AGAP1: variants seen among roughly 807,000 people sequenced by gnomAD.
AGAP1 encodes arf-GAP with GTPase, ANK repeat and PH domain-containing protein 1.
Under a neutral mutation model 105.3 loss-of-function variants are expected in AGAP1, and 29 were observed. That is an observed-to-expected ratio of 0.28 (90% confidence interval 0.21 to 0.38). The LOEUF is 0.38. AGAP1 is among the 10% of genes least tolerant of loss of function. The pLI is 1.00. For synonymous variants in AGAP1, 509 were observed against 485.9 expected, an observed-to-expected ratio of 1.05 and a Z score of -0.63; for missense variants, 998 against 1,165.1, an observed-to-expected ratio of 0.86 and a Z score of 2.09.
At chr2:236,118,387 C>CTTTT (rs529993131) in intron 16 of AGAP1, among the ~76,000 whole-genome samples, 2 of 116,292 alleles carry the variant, frequency 1.7e-5, no homozygotes, top group Non-Finnish European at 3.7e-5. Context: ...TTTTCTTTTT[C>CTTTT]TTTTTTTTTT....
rs1374484183 is a variant in AGAP1, at chr2:235,906,714, T to A, written c.1156-2024T>A. The stretch of plus-strand genomic sequence containing the variant: ...TGGTTGGGCAGGGAGAAAACAGCTC[T>A]TCTCATCCTCTGCCCTGAGGACCCA... On this transcript the variant is annotated intron_variant, in intron 10 of 17. Transcript: ENST00000304032. The surrounding 1 kb of genome is among the most constrained non-coding windows in gnomAD (Gnocchi z 5.3). Among the ~76,000 whole-genome samples, 1 of 150,300 alleles carries A rather than the reference T, an allele frequency of 6.7e-6. No homozygotes were observed. Among genetic ancestry groups the A allele is most frequent in the African/African-American group, 2.5e-5 (1 of 39,664 alleles).
At chr2:235,986,024 A>G (rs1299825441) in intron 13 of AGAP1, among the ~76,000 whole-genome samples, 1 of 152,202 alleles carries the variant, frequency 6.6e-6, no homozygotes, top group Non-Finnish European at 1.5e-5. Flanking sequence ...TGGTAGTTTC[A>G]TAGGAATAGC....
intron 1 of AGAP1, among the ~76,000 whole-genome samples, chr2:235,702,934 G>GTTTTGTTTTTTTTTTTTTT: frequency 1.1e-5 from 1 of 88,960 alleles, no homozygotes; most frequent in African/African-American, 3.7e-5. Flanking sequence ...AGTTTTCTTG[G>GTTTTGTTTTTTTTTTTTTT]TTTTTTTTTT....
intron 9 of AGAP1, among the ~76,000 whole-genome samples, chr2:235,839,695 A>G (rs1960580915): frequency 6.6e-6 from 1 of 152,074 alleles, no homozygotes; most frequent in Admixed American, 6.5e-5. Flanking sequence ...GTTCGTTTCC[A>G]CCCCCTTAAG....
rs1369043224 is a variant in AGAP1 at position 235,979,149 on chromosome 2, T to TG, written c.1645+10526_1645+10527insG. Among the ~76,000 whole-genome samples the TG allele has an allele frequency of 6.6e-6, 1 of 151,758 alleles. No individual in the cohort carries two copies. Among genetic ancestry groups the TG allele is most frequent in the Non-Finnish European group, 1.5e-5 (1 of 67,952 alleles). ...TTTTTGTTGTTGTTTTTGTTTTTTTTTTTTTGGGATATGATCTCACTGTGT... is the reference window on the plus strand; with the variant it reads ...TTTTTGTTGTTGTTTTTGTTTTTTTTGTTTTTGGGATATGATCTCACTGTGT... On this transcript the variant is annotated intron_variant, in intron 13 of 17. Coordinates refer to ENST00000304032, the MANE Select transcript of AGAP1 (RefSeq NM_001037131.3). The surrounding 1 kb of genome is among the most constrained non-coding windows in gnomAD (Gnocchi z 4.5).
intron 1 of AGAP1, among the ~76,000 whole-genome samples, chr2:235,646,190 G>A (rs776392534): frequency 5.4e-5 from 8 of 147,486 alleles, no homozygotes; most frequent in African/African-American, 2.0e-4. Context: ...CAGGAGAATC[G>A]CTTGAACCTG....
At position 236,101,797 on chromosome 2, in the gene AGAP1, C is replaced by G; in HGVS notation, c.2115-18395C>G. On this transcript the variant is annotated intron_variant, in intron 16 of 17. Transcript: ENST00000304032. This position sits in a 1 kb window ranked among gnomAD's most constrained non-coding sequence, Gnocchi z 4.9. The stretch of plus-strand genomic sequence containing the variant: ...CGCGGAGTCTAGGACGGCCTCACCC[C>G]GCTGGCTCGGGCTCCCTCTCACTGG... Among the ~76,000 whole-genome samples, 1 of 152,228 alleles carries G rather than the reference C, an allele frequency of 6.6e-6. No individual in the cohort carries two copies. Among genetic ancestry groups the G allele is most frequent in the South Asian group, 2.1e-4 (1 of 4,832 alleles).
intron 1 of AGAP1, among the ~76,000 whole-genome samples, chr2:235,572,008 T>G (rs1944544048): frequency 8.2e-6 from 1 of 121,682 alleles, no homozygotes; most frequent in Non-Finnish European, 1.8e-5. Flanking sequence ...ACACACTTTT[T>G]TTTTTTTTTT....
chr2:235,997,810 C>T (rs1193732960), intron 13 of AGAP1, among the ~76,000 whole-genome samples: 25 of 152,024 alleles, frequency 1.6e-4, no homozygotes, highest in Admixed American at 1.6e-3. Context: ...AGCTCAGTCC[C>T]TTCTGTAGGG....
In AGAP1 at chr2:235,514,162, GCACACA is replaced by G. The variant is rs35684926; in HGVS notation, c.163+19330_163+19335del. ...TGCCAGTGCATGCGCGTGCGCGCGC[GCACACA>G]CACACACACACACACATACCTCCTC... On this transcript the variant is annotated intron_variant, in intron 1 of 17. Transcript: ENST00000304032. Among the ~76,000 whole-genome samples, 75 of 150,608 alleles carry G rather than the reference GCACACA, an allele frequency of 5.0e-4. 1 individual carries two copies. The South Asian group carries it at 7.4e-3, about 15-fold the overall frequency.
chr2:235,808,199 A>G (rs925809), intron 9 of AGAP1, among the ~76,000 whole-genome samples: 35,974 of 152,160 alleles, frequency 0.24, 5,215 homozygotes, highest in Admixed American at 0.4. Flanking sequence ...ATCCTTCTTG[A>G]GCAGAAGCCT....
chr2:235,712,333 T>C lies in AGAP1; in HGVS notation c.222+3096T>C, dbSNP rs1371836530. Among the ~76,000 whole-genome samples, 17 of 152,250 alleles carry C rather than the reference T, an allele frequency of 1.1e-4. No homozygotes were observed. The highest frequency in any genetic ancestry group is 1.1e-3 in the Admixed American group (17 of 15,284). On this transcript the variant is annotated intron_variant, in intron 2 of 17. Transcript: ENST00000304032. The surrounding 1 kb of genome is among the most constrained non-coding windows in gnomAD (Gnocchi z 6.0). ...GCGCCCGGCCTGATGTTTTCTGAAG[T>C]TGTGCTGTGGTCAGATCGTCCATGA...
intron 10 of AGAP1, among the ~76,000 whole-genome samples, chr2:235,895,591 C>T (rs1173284838): frequency 2.6e-5 from 4 of 152,228 alleles, no homozygotes; most frequent in East Asian, 1.9e-4. Flanking sequence ...TGTGCTCTCA[C>T]GTTACTCTAT....
At chr2:235,643,467 A>T (rs973365743) in intron 1 of AGAP1, among the ~76,000 whole-genome samples, 1 of 148,346 alleles carries the variant, frequency 6.7e-6, no homozygotes, top group African/African-American at 2.5e-5. Context: ...AAAAGAAAGA[A>T]AGTTTAAAGG....
chr2:235,759,734 T>A (rs531330377), intron 6 of AGAP1, among the ~76,000 whole-genome samples: 2 of 152,354 alleles, frequency 1.3e-5, no homozygotes, highest in East Asian at 3.9e-4. Context: ...TGTTTGATGG[T>A]GATCATTTTT....
chr2:235,965,505 G>A lies in AGAP1; in HGVS notation c.1484-2957G>A, dbSNP rs1277499515. Among the ~76,000 whole-genome samples, 5 of 152,320 alleles carry A rather than the reference G, an allele frequency of 3.3e-5. No individual in the cohort carries two copies. In the South Asian group the frequency reaches 6.2e-4, roughly 19 times the overall value. On this transcript the variant is annotated intron_variant, in intron 12 of 17. Transcript: ENST00000304032. This position sits in a 1 kb window ranked among gnomAD's most constrained non-coding sequence, Gnocchi z 5.8. ...GGATTTAAACCCTCTATCTGGATAG[G>A]AACCTTGTCTGGAGAGGTCTGCAGC...
At chr2:235,832,851 G>C (rs767722055) in intron 9 of AGAP1, among the ~76,000 whole-genome samples, 2 of 152,208 alleles carry the variant, frequency 1.3e-5, no homozygotes, top group Non-Finnish European at 2.9e-5. Context: ...CCATGTGTGT[G>C]AGAGAGAGGG....
At chr2:236,118,237 C>T (rs1243562906) in intron 16 of AGAP1, among the ~76,000 whole-genome samples, 2 of 152,156 alleles carry the variant, frequency 1.3e-5, no homozygotes, top group African/African-American at 4.8e-5. Context: ...TGAGTGATTT[C>T]TCCGTGTCAT....
rs1941216275 is a variant in AGAP1 at position 235,494,475 on chromosome 2, C to T, written c.-212C>T. On this transcript the variant is annotated 5_prime_UTR_variant, in exon 1 of 18. Coordinates refer to ENST00000304032, the MANE Select transcript of AGAP1 (RefSeq NM_001037131.3). ...GACCCGGGACGCCGGGGCCCGCTCG[C>T]TCGCCGGCCGCGCGTCCCGGCCATG... The T allele has an allele frequency of 7.0e-6, 1 of 143,402 alleles. No individual in the cohort carries two copies. The highest frequency in any genetic ancestry group is 2.5e-5 in the African/African-American group (1 of 39,968). 8.9% of individuals were successfully genotyped at this position (143,402 alleles called of 1,614,324 possible). A position where few individuals can be genotyped will look rare whatever the true frequency, so the allele number is the denominator to read the frequency against.
Sources: gnomAD v4.1 joint callset for allele counts (sites outside exome capture counted in the v4.1 genomes callset) on GRCh38, gnomAD v4.1.1 for gene constraint, Gnocchi (gnomAD v3.1) non-coding constraint, MANE v1.5 for transcripts, NCBI Gene and HGNC (gene_info 2026-07-23, HGNC 2026-07-21) for gene names.